The following TMEM9B variants were observed in gnomAD, a reference collection of about 807,000 sequenced individuals.
TMEM9B encodes the protein TMEM9 domain family member B, also known as transmembrane protein 9B.
In TMEM9B, 8 loss-of-function variants were observed where a neutral mutation model predicts 23.5. That is an observed-to-expected ratio of 0.34 (90% confidence interval 0.20 to 0.61). TMEM9B has a LOEUF of 0.61. Among genes scored for constraint, TMEM9B ranks in the 20% least tolerant of loss-of-function variants. The probability of loss-of-function intolerance (pLI) is 0.78; values close to 1 mark genes in which losing one functional copy is unlikely to be tolerated. For missense variants in TMEM9B, 197 were observed against 252.3 expected (o/e 0.78, Z 1.49); for synonymous variants, 106 against 96.3 (o/e 1.10, Z -0.59).
intron 4 of TMEM9B, among the ~76,000 whole-genome samples, chr11:8,951,561 C>T (rs1334979140): frequency 6.7e-6 from 1 of 148,204 alleles, no homozygotes; most frequent in African/African-American, 2.5e-5. Flanking sequence ...ACCATCCTGG[C>T]TAACACAGTG....
At position 8,948,437 on chromosome 11, in the gene TMEM9B, G is replaced by A. The variant is rs1853813892; in HGVS notation, c.480C>T (p.Ala160=). Residue 160 remains alanine, a synonymous_variant, in exon 5 of 5, where the codon GCC becomes GCT. Transcript: ENST00000534025. Reference sequence around the variant, plus strand: ...GCACGTTGGCTCGACTGCGGGAGCGGGCTAGCACATCGTGTGCATTTGCAA... The same window carrying A: ...GCACGTTGGCTCGACTGCGGGAGCGAGCTAGCACATCGTGTGCATTTGCAA... ...QPFANAHDVL[A]RSRSRANVLN... The A allele has an allele frequency of 6.2e-7, 1 of 1,614,164 alleles. No individual in the cohort carries two copies. Among genetic ancestry groups the A allele is most frequent in the African/African-American group, 1.3e-5 (1 of 75,024 alleles).
chr11:8,956,199 G>C lies in TMEM9B; in HGVS notation c.297C>G (p.Val99=), dbSNP rs774708741. The stretch of plus-strand genomic sequence containing the variant: ...GGGATATATATTTTACCTTGATTGT[G>C]ACAGAGCTTCTTTCTTCATATTTGC... ...CECKYEERSS[V]TIKVTIIIYL... is the part of the protein sequence containing the mutation. Residue 99 remains valine (V), a synonymous_variant, in exon 3 of 5, where the codon GTC becomes GTG. Transcript: ENST00000534025. 2.5e-6 allele frequency: 4 copies of C among 1,613,078 alleles called. No individual in the cohort carries two copies. Among genetic ancestry groups the C allele is most frequent in the Non-Finnish European group, 2.5e-6 (3 of 1,179,806 alleles).
rs1853808269 is a variant in TMEM9B at position 8,948,229 on chromosome 11, C to T, written c.*91G>A. 2.1e-6 allele frequency: 3 copies of T among 1,447,860 alleles called. No individual in the cohort carries two copies. In the Admixed American group the frequency reaches 7.1e-5, roughly 34 times the overall value. The allele number at this position is 1,447,860 out of a possible 1,614,324, so 89.7% of individuals were successfully genotyped here. ...TTCCAGCAACAGTTGGTGAAATCAACAAGGTATTAAAATGAAACCCAGCAA... is the reference window on the plus strand; with the variant it reads ...TTCCAGCAACAGTTGGTGAAATCAATAAGGTATTAAAATGAAACCCAGCAA... On this transcript the variant is annotated 3_prime_UTR_variant, in exon 5 of 5. Transcript: ENST00000534025.
At chr11:8,950,217 T>A (rs1853850235) in intron 4 of TMEM9B, among the ~76,000 whole-genome samples, 1 of 152,180 alleles carries the variant, frequency 6.6e-6, no homozygotes, top group Non-Finnish European at 1.5e-5. Context: ...CCAAGGTCAT[T>A]TAACAAATTA....
Position 8,953,332 on chromosome 11 carries a change from G to A in TMEM9B, c.312C>T (p.Thr104=), listed in dbSNP as rs755202463. Residue 104 remains threonine (T), a synonymous_variant, in exon 4 of 5, where the codon ACC becomes ACT. Transcript: ENST00000534025. ...CCAAAATGGAGAGATAAATTATAAT[G>A]GTAACCTAAAGGAAATTGAAAATTA... ...EERSSVTIKV[T]IIIYLSILGL... 1 of 1,612,730 alleles carries A rather than the reference G, an allele frequency of 6.2e-7. No homozygotes were observed. Among genetic ancestry groups the A allele is most frequent in the East Asian group, 2.2e-5 (1 of 44,864 alleles).
chr11:8,949,469 A>G (rs1853837460), intron 4 of TMEM9B, among the ~76,000 whole-genome samples: 2 of 152,248 alleles, frequency 1.3e-5, no homozygotes, highest in Non-Finnish European at 2.9e-5. Flanking sequence ...ATGTTCCAAC[A>G]GAAGATCCAA....
At chr11:8,963,618 G>A (rs1566126050) in intron 1 of TMEM9B, among the ~76,000 whole-genome samples, 1 of 152,224 alleles carries the variant, frequency 6.6e-6, no homozygotes, top group Non-Finnish European at 1.5e-5. Context: ...ACTCGTGGAG[G>A]GAGTTAGGTG....
intron 3 of TMEM9B, among the ~76,000 whole-genome samples, chr11:8,954,088 A>T (rs898665853): frequency 6.6e-6 from 1 of 152,254 alleles, no homozygotes; most frequent in Non-Finnish European, 1.5e-5. Context: ...CGAAGTACTG[A>T]TACATGCTAC....
intron 4 of TMEM9B, among the ~76,000 whole-genome samples, chr11:8,952,153 T>A (rs537802933): frequency 1.3e-5 from 2 of 151,928 alleles, no homozygotes; most frequent in South Asian, 4.2e-4. Flanking sequence ...AAAAACAGAT[T>A]TGTGGACTAA....
chr11:8,956,378 G>A, intron 2 of TMEM9B, 80 bp from the exon 3 acceptor site: 2 of 1,066,024 alleles, frequency 1.9e-6, no homozygotes, highest in South Asian at 1.4e-5. Flanking sequence ...CTGAAATCTA[G>A]AATAATCACT....
At position 8,957,516 on chromosome 11, in the gene TMEM9B, G is replaced by T. The variant is rs1261156078; in HGVS notation, c.198-1218C>A. ...CGTTAGGCATTCCTGGCTGCCTCAA[G>T]CACTCTACTACACCATCCTATCTTA... On this transcript the variant is annotated intron_variant, in intron 2 of 4. Transcript: ENST00000534025. The surrounding 1 kb of genome is among the most constrained non-coding windows in gnomAD (Gnocchi z 4.3). Among the ~76,000 whole-genome samples, 1 of 152,130 alleles carries T rather than the reference G, an allele frequency of 6.6e-6. No homozygotes were observed. Among genetic ancestry groups the T allele is most frequent in the Admixed American group, 6.5e-5 (1 of 15,276 alleles).
rs1268162361 is a variant in TMEM9B, at chr11:8,947,352, C to T, written c.*968G>A. On this transcript the variant is annotated 3_prime_UTR_variant, in exon 5 of 5. Coordinates refer to ENST00000534025, the MANE Select transcript of TMEM9B (RefSeq NM_020644.3). ...CAAAGAGGACATAGGAAGAAAAAAG[C>T]CAGTTATCCAATAATGGTTAGACCT... is the stretch of plus-strand genomic sequence containing the variant. The T allele has an allele frequency of 6.6e-6, 1 of 152,406 alleles. No homozygotes were observed. Among genetic ancestry groups the T allele is most frequent in the Non-Finnish European group, 1.5e-5 (1 of 67,996 alleles). The allele number at this position is 152,406 out of a possible 1,614,324, so 9.4% of individuals were successfully genotyped here.
intron 1 of TMEM9B, 120 bp downstream of exon 1, chr11:8,964,089 T>C: frequency 3.0e-6 from 3 of 991,786 alleles, no homozygotes; most frequent in Non-Finnish European, 2.9e-6. Context: ...CTGCCGGAGC[T>C]GTGAGGCCAG....
Position 8,964,335 on chromosome 11 carries a change from A to G in TMEM9B, c.-22T>C. The stretch of plus-strand genomic sequence containing the variant: ...CCATCGCTGGGGGCCCAGCGGTCCC[A>G]CAGCCCGGAGCCCCCGCGACCGGCT... On this transcript the variant is annotated 5_prime_UTR_variant, in exon 1 of 5. Coordinates refer to ENST00000534025, the MANE Select transcript of TMEM9B (RefSeq NM_020644.3). The G allele has an allele frequency of 2.6e-6, 4 of 1,550,866 alleles. No homozygotes were observed. The highest frequency in any genetic ancestry group is 2.6e-6 in the Non-Finnish European group (3 of 1,148,540).
intron 4 of TMEM9B, among the ~76,000 whole-genome samples, chr11:8,949,589 A>G (rs1302290309): frequency 2.0e-5 from 3 of 152,218 alleles, no homozygotes; most frequent in Non-Finnish European, 4.4e-5. Context: ...AGGAGTCTGC[A>G]TGTATATGGA....
In TMEM9B at chr11:8,964,198, G is replaced by T; in HGVS notation, c.105+11C>A. 1 of 1,565,316 alleles carries T rather than the reference G, an allele frequency of 6.4e-7. No individual in the cohort carries two copies. The highest frequency in any genetic ancestry group is 8.7e-7 in the Non-Finnish European group (1 of 1,155,528). ...GAGCTTCCGTCAGGAGCGAGGCTGG[G>T]CGGGACTCACCTTGGCGGCGTCTGA... On this transcript the variant is annotated intron_variant, in intron 1 of 4. Transcript: ENST00000534025.
intron 4 of TMEM9B, among the ~76,000 whole-genome samples, chr11:8,952,164 G>A (rs1312271842): frequency 6.6e-6 from 1 of 151,856 alleles, no homozygotes; most frequent in East Asian, 1.9e-4. Context: ...TGTGGACTAA[G>A]TCAATTTCTG....
At chr11:8,954,276 G>A (rs968743858) in intron 3 of TMEM9B, among the ~76,000 whole-genome samples, 1 of 151,066 alleles carries the variant, frequency 6.6e-6, no homozygotes, top group Admixed American at 6.7e-5. Flanking sequence ...GGATCTTTTT[G>A]GGGTAGTGGG....
In TMEM9B at chr11:8,948,426, C is replaced by T. The variant is rs751265656; in HGVS notation, c.491G>A (p.Ser164Asn). The part of the protein sequence containing the change: ...NAHDVLARSR[S>N]RANVLNKVEY... ...TACCTTGTTCAGCACGTTGGCTCGA[C>T]TGCGGGAGCGGGCTAGCACATCGTG... is the stretch of plus-strand genomic sequence containing the variant. The change falls in exon 5 of 5, where the codon AGT becomes AAT. Residue 164 changes from serine (S) to asparagine (N), a missense_variant. Ser to Asn is a conservative substitution (Grantham distance 46). Transcript: ENST00000534025. 47 of 1,614,128 alleles carry T rather than the reference C, an allele frequency of 2.9e-5. No homozygotes were observed. Among genetic ancestry groups the T allele is most frequent in the Non-Finnish European group, 3.7e-5 (44 of 1,180,054 alleles).
Sources: gnomAD v4.1 joint callset for allele counts (sites outside exome capture counted in the v4.1 genomes callset) on GRCh38, gnomAD v4.1.1 for gene constraint, Gnocchi (gnomAD v3.1) non-coding constraint, MANE v1.5 for transcripts, NCBI Gene and HGNC (gene_info 2026-07-23, HGNC 2026-07-21) for gene names.